DACH1: variants seen among roughly 807,000 people sequenced by gnomAD.
DACH1 encodes dachshund family transcription factor 1.
DACH1 carries 12 observed loss-of-function variants against 54.2 expected under a neutral mutation model. That is an observed-to-expected ratio of 0.22 (90% CI 0.14 to 0.36). DACH1 has a LOEUF of 0.36. DACH1 is among the 10% of genes least tolerant of loss of function. The pLI is 1.00. For synonymous variants in DACH1, 386 were observed against 366.2 expected, an observed-to-expected ratio of 1.05 and a Z score of -0.62; for missense variants, 805 against 929.8, an observed-to-expected ratio of 0.87 and a Z score of 1.75.
intron 4 of DACH1, among the ~76,000 whole-genome samples, chr13:71,571,593 G>C (rs985385348): frequency 2.6e-4 from 40 of 151,990 alleles, no homozygotes; most frequent in Admixed American, 5.9e-4. Context: ...GAGACTTTTG[G>C]TTATTTTTTC....
intron 6 of DACH1, among the ~76,000 whole-genome samples, chr13:71,540,973 A>G (rs1470797248): frequency 6.6e-6 from 1 of 151,822 alleles, no homozygotes; most frequent in Non-Finnish European, 1.5e-5. Context: ...TTATAAAGGA[A>G]ATGCTATGTT....
chr13:71,531,181 A>C (rs1336748824), intron 6 of DACH1, among the ~76,000 whole-genome samples: 1 of 152,148 alleles, frequency 6.6e-6, no homozygotes, highest in African/African-American at 2.4e-5. Flanking sequence ...GTATTCCTCT[A>C]ACTTTTCGGG....
At chr13:71,509,066 A>G (rs920103367) in intron 6 of DACH1, among the ~76,000 whole-genome samples, 1 of 152,246 alleles carries the variant, frequency 6.6e-6, no homozygotes, top group African/African-American at 2.4e-5. Context: ...TAAATGTACT[A>G]TTAGTATATT....
chr13:71,779,188 CGTATATACGT>C (rs1886220508), intron 1 of DACH1, among the ~76,000 whole-genome samples: 1 of 124,192 alleles, frequency 8.1e-6, no homozygotes, highest in East Asian at 2.2e-4. Flanking sequence ...CACATATATA[CGTATATACGT>C]ATATATGTGT....
At chr13:71,806,400 A>C (rs1212424450) in intron 1 of DACH1, among the ~76,000 whole-genome samples, 1 of 152,190 alleles carries the variant, frequency 6.6e-6, no homozygotes, top group South Asian at 2.1e-4. Flanking sequence ...GGAAAATGGA[A>C]CTTGTCACAA....
intron 3 of DACH1, among the ~76,000 whole-genome samples, chr13:71,588,009 T>C (rs980304767): frequency 5.9e-5 from 9 of 152,140 alleles, no homozygotes; most frequent in Admixed American, 3.3e-4. Context: ...AGCCTGAATG[T>C]GGAATACATG....
At position 71,557,052 on chromosome 13, in the gene DACH1, A is replaced by C; in HGVS notation, c.1542T>G (p.His514Gln). The C allele has an allele frequency of 6.2e-7, 1 of 1,608,210 alleles. No individual in the cohort carries two copies. Among genetic ancestry groups the C allele is most frequent in the Non-Finnish European group, 8.5e-7 (1 of 1,177,526 alleles). The change falls in exon 6 of 11, where the codon CAT becomes CAG. Residue 514 changes from histidine (H) to glutamine (Q), a missense_variant. Physicochemically the swap from His to Gln is conservative, Grantham distance 24 (BLOSUM62 0). This residue lies in a region of DACH1 where 472 missense variants were observed against 545.3 expected (regional missense o/e 0.87). Coordinates refer to ENST00000613252, the MANE Select transcript of DACH1 (RefSeq NM_080759.6). The stretch of plus-strand genomic sequence containing the variant: ...TTTCAATATGCATCCTTTTTGACTC[A>C]TGTCCCATGTCATGACCGGCCAAAT... ...EGDLAGHDMG[H>Q]ESKRMHIEKD...
At chr13:71,659,078 T>C (rs552823294) in intron 2 of DACH1, among the ~76,000 whole-genome samples, 44 of 152,254 alleles carry the variant, frequency 2.9e-4, no homozygotes, top group Middle Eastern at 3.4e-3. Flanking sequence ...TAGAAGTCAC[T>C]ACCTCTTTGT....
intron 3 of DACH1, among the ~76,000 whole-genome samples, chr13:71,622,647 G>A (rs1876333038): frequency 6.6e-6 from 1 of 151,626 alleles, no homozygotes; most frequent in Non-Finnish European, 1.5e-5. Flanking sequence ...CCATTTCCAG[G>A]ACTTTCCATG....
intron 1 of DACH1, among the ~76,000 whole-genome samples, chr13:71,743,748 A>C (rs767271867): frequency 6.6e-6 from 1 of 152,208 alleles, no homozygotes; most frequent in Non-Finnish European, 1.5e-5. Context: ...GTTTGAAAAA[A>C]AGTTTTCTAA....
intron 3 of DACH1, among the ~76,000 whole-genome samples, chr13:71,604,129 T>A (rs911303210): frequency 6.6e-6 from 1 of 151,972 alleles, no homozygotes; most frequent in Non-Finnish European, 1.5e-5. Context: ...ATTTAATGAA[T>A]AATAAAATGC....
At chr13:71,851,804 T>C (rs1873685959) in intron 1 of DACH1, among the ~76,000 whole-genome samples, 2 of 152,222 alleles carry the variant, frequency 1.3e-5, no homozygotes, top group African/African-American at 4.8e-5. Context: ...TGTTACTATA[T>C]AAAGAATACA....
At chr13:71,566,629 G>C (rs992767184) in intron 4 of DACH1, among the ~76,000 whole-genome samples, 2 of 151,924 alleles carry the variant, frequency 1.3e-5, no homozygotes, top group Non-Finnish European at 2.9e-5. Flanking sequence ...TTCTTTTTTA[G>C]TATTATTATA....
intron 10 of DACH1, among the ~76,000 whole-genome samples, chr13:71,445,657 T>G (rs1874387169): frequency 6.6e-6 from 1 of 152,204 alleles, no homozygotes; most frequent in African/African-American, 2.4e-5. Flanking sequence ...TTACAGACCC[T>G]TATTTTAAAA....
chr13:71,482,793 G>GTTTTT (rs10716729), intron 7 of DACH1, among the ~76,000 whole-genome samples: 3 of 67,500 alleles, frequency 4.4e-5, no homozygotes, highest in Non-Finnish European at 9.2e-5. Context: ...TCAACTGACA[G>GTTTTT]TTTTTTTTTT....
intron 3 of DACH1, among the ~76,000 whole-genome samples, chr13:71,620,212 A>G (rs1318289574): frequency 6.6e-6 from 1 of 151,982 alleles, no homozygotes; most frequent in Non-Finnish European, 1.5e-5. Flanking sequence ...GCGAGCAAAA[A>G]CAGAAAGATA....
At chr13:71,827,617 T>C (rs1004399217) in intron 1 of DACH1, among the ~76,000 whole-genome samples, 19 of 152,050 alleles carry the variant, frequency 1.2e-4, no homozygotes, top group South Asian at 8.3e-4. Context: ...AATAAGGTCA[T>C]TGATAGAACG....
intron 1 of DACH1, among the ~76,000 whole-genome samples, chr13:71,691,799 C>G (rs1881489629): frequency 1.3e-5 from 2 of 152,130 alleles, no homozygotes; most frequent in Admixed American, 1.3e-4. Context: ...CCTCAAGTAG[C>G]TCATGGTCTA....
chr13:71,785,902 A>T (rs1484887437), intron 1 of DACH1, among the ~76,000 whole-genome samples: 1 of 152,288 alleles, frequency 6.6e-6, no homozygotes, highest in East Asian at 1.9e-4. Context: ...CCCCACTGCT[A>T]TTCTTGGACA....
Sources: gnomAD v4.1 joint callset for allele counts (sites outside exome capture counted in the v4.1 genomes callset) on GRCh38, gnomAD v4.1.1 for gene constraint, gnomAD v4.1.1 regional missense constraint, MANE v1.5 for transcripts, NCBI Gene and HGNC (gene_info 2026-07-23, HGNC 2026-07-21) for gene names.